AGAP1: variants seen among roughly 807,000 people sequenced by gnomAD.
AGAP1 encodes arf-GAP with GTPase, ANK repeat and PH domain-containing protein 1.
A neutral mutation model predicts 105.3 loss-of-function variants in AGAP1; 29 were observed. The observed-to-expected ratio is 0.28, with a 90% CI of 0.21 to 0.38. AGAP1 has a LOEUF of 0.38. Ranked by LOEUF, AGAP1 falls within the 10% of genes least tolerant of loss-of-function variation. AGAP1 has a pLI of 1.00. For synonymous variants in AGAP1, 509 were observed against 485.9 expected, an observed-to-expected ratio of 1.05 and a Z score of -0.63; for missense variants, 998 against 1,165.1, an observed-to-expected ratio of 0.86 and a Z score of 2.09.
At chr2:235,673,110 A>C (rs1348399038) in intron 1 of AGAP1, among the ~76,000 whole-genome samples, 1 of 152,180 alleles carries the variant, frequency 6.6e-6, no homozygotes, top group Non-Finnish European at 1.5e-5. Context: ...CACCTGGATA[A>C]ATTCTTTGCC....
intron 1 of AGAP1, among the ~76,000 whole-genome samples, chr2:235,495,465 G>C (rs1941275544): frequency 6.6e-6 from 1 of 152,250 alleles, no homozygotes. Context: ...GTCCGGGGTT[G>C]GATTAGAGGA....
intron 13 of AGAP1, among the ~76,000 whole-genome samples, chr2:236,006,198 A>G (rs9989742): frequency 0.084 from 12,792 of 152,042 alleles, 1,806 homozygotes; most frequent in African/African-American, 0.29. Flanking sequence ...GGCTGCTCCC[A>G]CACCCTTTGC....
At position 235,867,654 on chromosome 2, in the gene AGAP1, G is replaced by A. The variant is rs1432913923; in HGVS notation, c.1051-15691G>A. ...TGTCTTGGGTCCAGGCCTATTTCTA[G>A]CTAAGTGTTATCTGCAGGGTATAGC... On this transcript the variant is annotated intron_variant, in intron 9 of 17. Transcript: ENST00000304032. The surrounding 1 kb of genome is among the most constrained non-coding windows in gnomAD (Gnocchi z 5.4). Among the ~76,000 whole-genome samples, 3 of 151,438 alleles carry A rather than the reference G, an allele frequency of 2.0e-5. No homozygotes were observed. Among genetic ancestry groups the A allele is most frequent in the African/African-American group, 7.3e-5 (3 of 41,208 alleles).
At chr2:235,827,469 T>C (rs1959135014) in intron 9 of AGAP1, among the ~76,000 whole-genome samples, 1 of 152,206 alleles carries the variant, frequency 6.6e-6, no homozygotes. Context: ...TAATGACTAT[T>C]TCTACTAATA....
intron 12 of AGAP1, among the ~76,000 whole-genome samples, chr2:235,943,414 G>A (rs2053353627): frequency 6.9e-6 from 1 of 145,800 alleles, no homozygotes; most frequent in African/African-American, 2.7e-5. Context: ...CCAGGCTGGA[G>A]TGCAGTGGCA....
chr2:236,049,303 T>A, intron 16 of AGAP1, 22 bp downstream of exon 16: 1 of 1,598,990 alleles, frequency 6.3e-7, no homozygotes, highest in South Asian at 1.1e-5. Flanking sequence ...GGAAGATGCC[T>A]GGCTCCCGAC....
chr2:236,083,833 C>T lies in AGAP1; in HGVS notation c.2114+34552C>T, dbSNP rs993584779. Among the ~76,000 whole-genome samples the T allele has an allele frequency of 5.3e-5, 8 of 152,072 alleles. No individual in the cohort carries two copies. Among genetic ancestry groups the T allele is most frequent in the Non-Finnish European group, 1.2e-4 (8 of 68,038 alleles). On this transcript the variant is annotated intron_variant, in intron 16 of 17. Transcript: ENST00000304032. The surrounding 1 kb of genome is among the most constrained non-coding windows in gnomAD (Gnocchi z 5.3). Reference sequence around the variant, plus strand: ...GGAGTGCCTCTTCTGAGATCCCATTCGATGCTCTGCCCTCAATTAAATGAA... The same window carrying T: ...GGAGTGCCTCTTCTGAGATCCCATTTGATGCTCTGCCCTCAATTAAATGAA...
intron 3 of AGAP1, among the ~76,000 whole-genome samples, chr2:235,722,834 G>A (rs545320887): frequency 1.3e-5 from 2 of 151,834 alleles, no homozygotes; most frequent in African/African-American, 4.8e-5. Flanking sequence ...ATTGGAAGAG[G>A]AAGAATTGTC....
intron 9 of AGAP1, among the ~76,000 whole-genome samples, chr2:235,850,931 G>C (rs2048415806): frequency 6.6e-6 from 1 of 152,228 alleles, no homozygotes. Context: ...ACCTGCCCAA[G>C]GGGTTTAGCA....
intron 13 of AGAP1, among the ~76,000 whole-genome samples, chr2:235,997,504 C>T (rs765225523): frequency 6.6e-6 from 1 of 152,168 alleles, no homozygotes; most frequent in Non-Finnish European, 1.5e-5. Context: ...ATTTTTGTAG[C>T]GCGGCCATAC....
intron 1 of AGAP1, among the ~76,000 whole-genome samples, chr2:235,523,674 G>A (rs1283419087): frequency 6.6e-6 from 1 of 152,180 alleles, no homozygotes; most frequent in African/African-American, 2.4e-5. Flanking sequence ...GGTGGGAATG[G>A]GTGTCTGCAG....
chr2:235,796,126 A>T (rs1298689458), intron 6 of AGAP1, among the ~76,000 whole-genome samples: 1 of 152,196 alleles, frequency 6.6e-6, no homozygotes, highest in Non-Finnish European at 1.5e-5. Flanking sequence ...GCTGGGAGTA[A>T]AATCAGATTT....
intron 1 of AGAP1, among the ~76,000 whole-genome samples, chr2:235,684,815 G>C (rs1949291767): frequency 1.3e-5 from 2 of 152,164 alleles, no homozygotes; most frequent in East Asian, 3.9e-4. Context: ...CACTTTCAGA[G>C]ATTAGGAATT....
At position 235,883,348 on chromosome 2, in the gene AGAP1, A is replaced by G; in HGVS notation, c.1054A>G (p.Met352Val). The G allele has an allele frequency of 4.3e-6, 7 of 1,613,702 alleles. No individual in the cohort carries two copies. Among genetic ancestry groups the G allele is most frequent in the Non-Finnish European group, 5.9e-6 (7 of 1,179,874 alleles). Reference protein sequence around the residue: ...SGRAIPIKQGMLLKRSGKSLN... With the variant: ...SGRAIPIKQGVLLKRSGKSLN... The stretch of plus-strand genomic sequence containing the variant: ...TTTGGCTCTTTTTCCCTTGTAGGGC[A>G]TGCTGTTGAAGCGAAGTGGCAAATC... Residue 352 changes from methionine (M) to valine (V), a missense_variant, in exon 10 of 18, where the codon ATG becomes GTG. Coordinates refer to ENST00000304032, the MANE Select transcript of AGAP1 (RefSeq NM_001037131.3). This position sits in a 1 kb window ranked among gnomAD's most constrained non-coding sequence, Gnocchi z 4.5.
chr2:235,857,449 A>G (rs2048733644), intron 9 of AGAP1, among the ~76,000 whole-genome samples: 1 of 152,194 alleles, frequency 6.6e-6, no homozygotes, highest in African/African-American at 2.4e-5. Context: ...GAGACCTCAG[A>G]CACAGGTTCC....
chr2:235,603,484 G>A (rs925983264), intron 1 of AGAP1, among the ~76,000 whole-genome samples: 18 of 152,268 alleles, frequency 1.2e-4, no homozygotes, highest in South Asian at 2.1e-4. Context: ...TGGGTGCTTC[G>A]CAGTGCTCAA....
At chr2:235,670,833 A>G (rs990456126) in intron 1 of AGAP1, 3 of 1,364,842 alleles carry the variant, frequency 2.2e-6, no homozygotes, top group Middle Eastern at 2.3e-4. Flanking sequence ...AGCGACCTGC[A>G]GCGGCTGGAG....
At position 235,633,950 on chromosome 2, in the gene AGAP1, T is replaced by C. The variant is rs1323730112; in HGVS notation, c.164-75229T>C. 1.3e-5 allele frequency among the ~76,000 whole-genome samples: 2 copies of C among 152,110 alleles called. No individual in the cohort carries two copies. The highest frequency in any genetic ancestry group is 4.8e-5 in the African/African-American group (2 of 41,444). ...AACTTGGCTGCATCTGAGGGTGGCCTTTACTTTGGGGTATCAGTTTTCCGA... is the reference window on the plus strand; with the variant it reads ...AACTTGGCTGCATCTGAGGGTGGCCCTTACTTTGGGGTATCAGTTTTCCGA... On this transcript the variant is annotated intron_variant, in intron 1 of 17. Transcript: ENST00000304032. The surrounding 1 kb of genome is among the most constrained non-coding windows in gnomAD (Gnocchi z 4.8).
rs541176013 is a variant in AGAP1 at position 235,908,068 on chromosome 2, C to T, written c.1156-670C>T. 1.3e-5 allele frequency among the ~76,000 whole-genome samples: 2 copies of T among 152,340 alleles called. No individual in the cohort carries two copies. The highest frequency in any genetic ancestry group is 2.1e-4 in the South Asian group (1 of 4,824). On this transcript the variant is annotated intron_variant, in intron 10 of 17. Transcript: ENST00000304032. This position sits in a 1 kb window ranked among gnomAD's most constrained non-coding sequence, Gnocchi z 4.4. The stretch of plus-strand genomic sequence containing the variant: ...CTCTCAGTTGCTTGTTCACCTTCCC[C>T]GTTCCCTGCCCATCAGCCAGTTTCC...
Sources: allele counts gnomAD v4.1 joint callset (sites outside exome capture counted in the v4.1 genomes callset), GRCh38; gene constraint gnomAD v4.1.1; non-coding constraint Gnocchi (gnomAD v3.1); transcripts MANE v1.5; gene names NCBI Gene and HGNC (gene_info 2026-07-23, HGNC 2026-07-21).